Variants in GRID2 observed in about 807,000 individuals in gnomAD.
GRID2 encodes the protein glutamate receptor ionotropic, delta-2.
In GRID2, 33 loss-of-function variants were observed where a neutral mutation model predicts 114.8. That is an observed-to-expected ratio of 0.29 (90% confidence interval 0.22 to 0.38). The LOEUF (loss-of-function observed/expected upper bound fraction) is 0.38, where lower values mean the gene tolerates loss of function less well. GRID2 is among the 10% of genes least tolerant of loss of function. GRID2 has a pLI of 1.00. For synonymous variants in GRID2, 505 were observed against 449.9 expected (o/e 1.12, Z -1.55); for missense variants, 1,184 against 1,257.7 (o/e 0.94, Z 0.89).
At chr4:92,693,734 G>A (rs1734295086) in intron 2 of GRID2, among the ~76,000 whole-genome samples, 1 of 151,984 alleles carries the variant, frequency 6.6e-6, no homozygotes, top group Admixed American at 6.6e-5. Context: ...GAGAGAAAAT[G>A]GTGCTTAACA....
chr4:92,747,254 C>A (rs758837487), intron 2 of GRID2, among the ~76,000 whole-genome samples: 24 of 151,784 alleles, frequency 1.6e-4, no homozygotes, highest in Non-Finnish European at 3.4e-4. Context: ...TGAGTAAGTT[C>A]TGATCTTTAA....
intron 2 of GRID2, among the ~76,000 whole-genome samples, chr4:92,752,794 G>T (rs1158451201): frequency 6.6e-6 from 1 of 152,070 alleles, no homozygotes; most frequent in East Asian, 1.9e-4. Flanking sequence ...ATTAATAGAG[G>T]TCCAGTAGGT....
intron 14 of GRID2, among the ~76,000 whole-genome samples, chr4:93,726,665 C>G (rs1453971921): frequency 6.6e-6 from 1 of 152,090 alleles, no homozygotes; most frequent in Admixed American, 6.5e-5. Context: ...TCTCATTGAG[C>G]AGTGGTTTGT....
Position 92,590,230 on chromosome 4 carries a change from T to C in GRID2, c.188T>C (p.Ile63Thr). The C allele has an allele frequency of 6.2e-7, 1 of 1,612,998 alleles. No individual in the cohort carries two copies. Among genetic ancestry groups the C allele is most frequent in the South Asian group, 1.1e-5 (1 of 91,046 alleles). ...GAGGAGATCTTACAGACTGAGAAAA[T>C]CACATTTTCAGTGACGTTTGTTGAT... ...QNEEILQTEKITFSVTFVDGN... is the reference protein window; with the variant it reads ...QNEEILQTEKTTFSVTFVDGN... The change falls in exon 2 of 16, where the codon ATC (isoleucine) becomes ACC (threonine). Residue 63 changes from isoleucine to threonine, a missense_variant. Coordinates refer to ENST00000282020, the MANE Select transcript of GRID2 (RefSeq NM_001510.4).
At position 93,013,912 on chromosome 4, in the gene GRID2, G is replaced by A. The variant is rs373025440; in HGVS notation, c.245-71083G>A. 3.3e-5 allele frequency among the ~76,000 whole-genome samples: 5 copies of A among 151,824 alleles called. No individual in the cohort carries two copies. In the South Asian group the frequency reaches 1.0e-3, roughly 32 times the overall value. ...TAGGATTAGGGAAAGAAGTGGAAGG[G>A]AGAAATAAAAGATGATAAAATATTG... On this transcript the variant is annotated intron_variant, in intron 2 of 15. Coordinates refer to ENST00000282020, the MANE Select transcript of GRID2 (RefSeq NM_001510.4).
intron 10 of GRID2, among the ~76,000 whole-genome samples, chr4:93,435,569 A>G (rs1721004103): frequency 6.6e-6 from 1 of 152,198 alleles, no homozygotes. Context: ...CTACTATTTT[A>G]GAAATCAGTA....
Position 92,947,285 on chromosome 4 carries a change from T to C in GRID2, c.245-137710T>C, listed in dbSNP as rs191062197. Among the ~76,000 whole-genome samples the C allele has an allele frequency of 7.6e-4, 116 of 152,116 alleles. 1 individual carries two copies. Among genetic ancestry groups the C allele is most frequent in the Non-Finnish European group, 1.4e-3 (94 of 67,888 alleles). ...TCTTTGTCAGCATGCGTGTGTATTG[T>C]CTACCTGTATGCCCAATATTTATGA... is the stretch of plus-strand genomic sequence containing the variant. On this transcript the variant is annotated intron_variant, in intron 2 of 15. Coordinates refer to ENST00000282020, the MANE Select transcript of GRID2 (RefSeq NM_001510.4).
chr4:93,029,988 G>C (rs1255009442), intron 2 of GRID2, among the ~76,000 whole-genome samples: 1 of 152,048 alleles, frequency 6.6e-6, no homozygotes, highest in African/African-American at 2.4e-5. Context: ...AGTCTGCTAG[G>C]GGAACACAGC....
At chr4:92,838,467 T>C (rs1180931266) in intron 2 of GRID2, among the ~76,000 whole-genome samples, 1 of 152,128 alleles carries the variant, frequency 6.6e-6, no homozygotes, top group East Asian at 1.9e-4. Flanking sequence ...ACAGTATTCC[T>C]AGCTTTTAGC....
At chr4:93,312,089 C>G (rs1264882838) in intron 8 of GRID2, among the ~76,000 whole-genome samples, 2 of 152,096 alleles carry the variant, frequency 1.3e-5, no homozygotes, top group East Asian at 3.9e-4. Flanking sequence ...TAAATACACC[C>G]TTTCATCCTC....
chr4:92,345,235 T>C (rs1484140060), intron 1 of GRID2, among the ~76,000 whole-genome samples: 1 of 152,234 alleles, frequency 6.6e-6, no homozygotes, highest in Non-Finnish European at 1.5e-5. Context: ...CCGAGCTACT[T>C]CACTTAGAAT....
At chr4:92,936,416 G>A (rs17327693) in intron 2 of GRID2, among the ~76,000 whole-genome samples, 4,003 of 146,290 alleles carry the variant, frequency 0.027, 481 homozygotes, top group Middle Eastern at 0.045. Flanking sequence ...GAGTTAAGGG[G>A]TCTGTTTTAT....
chr4:93,630,639 G>T (rs1037295606), intron 14 of GRID2, among the ~76,000 whole-genome samples: 1 of 152,148 alleles, frequency 6.6e-6, no homozygotes, highest in African/African-American at 2.4e-5. Flanking sequence ...GTTCCAAGTT[G>T]CATGGAGAAT....
intron 2 of GRID2, among the ~76,000 whole-genome samples, chr4:92,620,983 A>G (rs1351733108): frequency 6.8e-6 from 1 of 147,850 alleles, no homozygotes; most frequent in Non-Finnish European, 1.5e-5. Flanking sequence ...AGAGGAACAA[A>G]ATAAAGAATG....
Position 92,942,128 on chromosome 4 carries a change from A to G in GRID2, c.245-142867A>G, listed in dbSNP as rs1355506971. On this transcript the variant is annotated intron_variant, in intron 2 of 15. Coordinates refer to ENST00000282020, the MANE Select transcript of GRID2 (RefSeq NM_001510.4). ...AGTTCAATTCCTGGATATCCTTGTT[A>G]ACTTTCTGTCTTGTTGATCTGTCTA... Among the ~76,000 whole-genome samples, 3 of 151,972 alleles carry G rather than the reference A, an allele frequency of 2.0e-5. No individual in the cohort carries two copies. The East Asian group carries it at 5.8e-4, about 29-fold the overall frequency.
At chr4:93,494,461 T>G (rs1040543519) in intron 12 of GRID2, among the ~76,000 whole-genome samples, 2 of 151,780 alleles carry the variant, frequency 1.3e-5, no homozygotes, top group African/African-American at 4.8e-5. Context: ...AGATTTATTT[T>G]GGGGAAGCTG....
At chr4:93,496,228 T>G (rs1207905213) in intron 12 of GRID2, among the ~76,000 whole-genome samples, 4 of 151,800 alleles carry the variant, frequency 2.6e-5, no homozygotes, top group Non-Finnish European at 5.9e-5. Flanking sequence ...TAAGTTCTGT[T>G]AATATTTGGA....
intron 2 of GRID2, among the ~76,000 whole-genome samples, chr4:93,023,093 TTGTGTGTGTGTGTGTG>T (rs370431407): frequency 2.1e-5 from 3 of 143,848 alleles, no homozygotes; most frequent in Non-Finnish European, 1.5e-5. Context: ...CAGAGAACAT[TTGTGTGTGTGTGTGTG>T]TGTGTGTGTG....
At chr4:93,664,744 G>A (rs1308923835) in intron 14 of GRID2, among the ~76,000 whole-genome samples, 1 of 152,106 alleles carries the variant, frequency 6.6e-6, no homozygotes, top group Non-Finnish European at 1.5e-5. Context: ...TTGCTTTGCC[G>A]TTTATTAGCT....
Sources: gnomAD v4.1 joint callset for allele counts (sites outside exome capture counted in the v4.1 genomes callset) on GRCh38, gnomAD v4.1.1 for gene constraint, MANE v1.5 for transcripts, NCBI Gene and HGNC (gene_info 2026-07-23, HGNC 2026-07-21) for gene names.